ADNP2: variants seen among roughly 807,000 people sequenced by gnomAD.
ADNP2 encodes ADNP homeobox 2.
Under a neutral mutation model 16.4 loss-of-function variants are expected in ADNP2, and 8 were observed. The ratio of observed to expected loss-of-function variants is 0.49; its 90% CI spans 0.29 to 0.88. ADNP2 has a LOEUF of 0.88. ADNP2 is among the 40% of genes least tolerant of loss of function. The pLI, the probability that ADNP2 is intolerant of heterozygous loss-of-function variation, is 0.09. For synonymous variants in ADNP2, 637 were observed against 545.8 expected (o/e 1.17, Z -2.33); for missense variants, 1,397 against 1,395.1 (o/e 1.00, Z -0.02).
intron 2 of ADNP2, among the ~76,000 whole-genome samples, chr18:80,130,065 T>C (rs2052486358): frequency 6.6e-6 from 1 of 152,208 alleles, no homozygotes; most frequent in African/African-American, 2.4e-5. Context: ...AATGCCTTTT[T>C]TTCTGACTTT....
In ADNP2 at chr18:80,137,394, TCTC is replaced by T. The variant is rs756286190; in HGVS notation, c.1986_1988del (p.Pro663del). 1 of 1,614,142 alleles carries T rather than the reference TCTC, an allele frequency of 6.2e-7. No homozygotes were observed. Among genetic ancestry groups the T allele is most frequent in the South Asian group, 1.1e-5 (1 of 91,088 alleles). On this transcript the variant is annotated inframe_deletion, in exon 4 of 4. Transcript: ENST00000262198. The surrounding 1 kb of genome is among the most constrained non-coding windows in gnomAD (Gnocchi z 4.2). ...GGCCGGTTCCATGCCCGGCATGCCC[TCTC>T]CTCCAGTGCTGGTGAATGCTGCTCA... is the stretch of plus-strand genomic sequence containing the variant.
chr18:80,127,958 A>G (rs2052471340), intron 2 of ADNP2, among the ~76,000 whole-genome samples: 1 of 152,256 alleles, frequency 6.6e-6, no homozygotes, highest in Non-Finnish European at 1.5e-5. Flanking sequence ...GTGCTCAGAA[A>G]AAGTCTTCAG....
At position 80,138,853 on chromosome 18, in the gene ADNP2, A is replaced by C; in HGVS notation, c.*44A>C. ...AAAGTAACTCTAAAGTAGTAGGTAG[A>C]TTTTTTTCAGTTGAAATTTCACAGT... On this transcript the variant is annotated 3_prime_UTR_variant, in exon 4 of 4. Coordinates refer to ENST00000262198, the MANE Select transcript of ADNP2 (RefSeq NM_014913.4). 1.4e-6 allele frequency: 2 copies of C among 1,423,794 alleles called. No individual in the cohort carries two copies. The highest frequency in any genetic ancestry group is 1.8e-6 in the Non-Finnish European group (2 of 1,083,552). 88.2% of individuals were successfully genotyped at this position (1,423,794 alleles called of 1,614,324 possible). A position where few individuals can be genotyped will look rare whatever the true frequency, so the allele number is the denominator to read the frequency against.
rs117587160 is a variant in ADNP2 at position 80,134,825 on chromosome 18, C to T, written c.199-787C>T. 6.2e-3 allele frequency among the ~76,000 whole-genome samples: 908 copies of T among 146,638 alleles called. 5 individuals carry two copies. Among genetic ancestry groups the T allele is most frequent in the Middle Eastern group, 0.022 (6 of 276 alleles). On this transcript the variant is annotated intron_variant, in intron 3 of 3. Transcript: ENST00000262198. ...TAGTGTGAGTTTAGGCTTAGTCTCA[C>T]TTTCTTTACTGTTTTATCAGATAGT...
In ADNP2 at chr18:80,136,617, C is replaced by G; in HGVS notation, c.1204C>G (p.Pro402Ala). Residue 402 changes from proline to alanine, a missense_variant, in exon 4 of 4, where the codon CCC becomes GCC. Physicochemically the swap from Pro to Ala is conservative, Grantham distance 27 (BLOSUM62 -1). This residue lies in a region of ADNP2 where 777 missense variants were observed against 719.4 expected (regional missense o/e 1.08). Coordinates refer to ENST00000262198, the MANE Select transcript of ADNP2 (RefSeq NM_014913.4). ...TCAGACTGTTCGCCCTGGGGTTTTA[C>G]CCCTCACCCAGCCTGTGGGACCCAT... ...INQTVRPGVL[P>A]LTQPVGPINR... 1 of 1,614,194 alleles carries G rather than the reference C, an allele frequency of 6.2e-7. No homozygotes were observed.
At chr18:80,128,053 A>G (rs1382545894) in intron 2 of ADNP2, among the ~76,000 whole-genome samples, 5 of 152,260 alleles carry the variant, frequency 3.3e-5, no homozygotes, top group African/African-American at 1.2e-4. Flanking sequence ...CTATTTTGAA[A>G]TAGTGAATTC....
At chr18:80,121,160 C>G (rs1029675394) in intron 2 of ADNP2, among the ~76,000 whole-genome samples, 8 of 152,116 alleles carry the variant, frequency 5.3e-5, no homozygotes, top group Non-Finnish European at 2.9e-5. Context: ...TCCTTCCTCC[C>G]TTCCCTTCCT....
In ADNP2 at chr18:80,135,716, C is replaced by A; in HGVS notation, c.303C>A (p.Asp101Glu). The A allele has an allele frequency of 6.2e-7, 1 of 1,614,202 alleles. No homozygotes were observed. Among genetic ancestry groups the A allele is most frequent in the Non-Finnish European group, 8.5e-7 (1 of 1,180,034 alleles). Reference protein sequence around the residue: ...HLHRYHEDEIDQELVIPCPNC... With the variant: ...HLHRYHEDEIEQELVIPCPNC... Reference sequence around the variant, plus strand: ...ATCGTTACCATGAAGATGAAATTGACCAAGAGCTGGTGATCCCTTGCCCAA... The same window carrying A: ...ATCGTTACCATGAAGATGAAATTGAACAAGAGCTGGTGATCCCTTGCCCAA... Residue 101 changes from aspartate to glutamate, a missense_variant, in exon 4 of 4, where the codon GAC becomes GAA. Physicochemically the swap from Asp to Glu is conservative, Grantham distance 45. Transcript: ENST00000262198.
intron 2 of ADNP2, among the ~76,000 whole-genome samples, chr18:80,123,258 A>G (rs538264210): frequency 6.6e-6 from 1 of 152,180 alleles, no homozygotes; most frequent in South Asian, 2.1e-4. Flanking sequence ...ATCTGTGTTC[A>G]TAAGGAATAT....
intron 1 of ADNP2, among the ~76,000 whole-genome samples, chr18:80,111,138 C>A (rs588556): frequency 0.85 from 128,749 of 152,182 alleles, 54,588 homozygotes; most frequent in Non-Finnish European, 0.87. Flanking sequence ...AGGTGGAAAC[C>A]GGTATCTCCC....
Position 80,137,748 on chromosome 18 carries a change from T to G in ADNP2, c.2335T>G (p.Phe779Val). Residue 779 changes from phenylalanine (F) to valine (V), a missense_variant, in exon 4 of 4, where the codon TTC becomes GTC. Physicochemically the swap from Phe to Val is conservative, Grantham distance 50. This residue lies in a region of ADNP2 where 611 missense variants were observed against 648.7 expected (regional missense o/e 0.94). Transcript: ENST00000262198. This position sits in a 1 kb window ranked among gnomAD's most constrained non-coding sequence, Gnocchi z 4.2. The stretch of plus-strand genomic sequence containing the variant: ...GGGGTGCTTGTTCTGTCCATGCACC[T>G]TCCATGATATCAAAGGTCTTTCAGA... ...GLGCLFCPCT[F>V]HDIKGLSEHS... 6.2e-7 allele frequency: 1 copy of G among 1,614,132 alleles called. No homozygotes were observed. The highest frequency in any genetic ancestry group is 8.5e-7 in the Non-Finnish European group (1 of 1,180,040).
At position 80,136,939 on chromosome 18, in the gene ADNP2, T is replaced by A. The variant is rs897103151; in HGVS notation, c.1526T>A (p.Ile509Asn). ...GGCCAGACAGCCCCATTGAGGGTTA[T>A]CTCTGCAGGCCAGGTGGTCCCGTCT... is the stretch of plus-strand genomic sequence containing the variant. ...PPGQTAPLRV[I>N]SAGQVVPSGL... is the part of the protein sequence containing the mutation. Residue 509 changes from isoleucine to asparagine, a missense_variant, in exon 4 of 4, where the codon ATC becomes AAC. Coordinates refer to ENST00000262198, the MANE Select transcript of ADNP2 (RefSeq NM_014913.4). The A allele has an allele frequency of 1.2e-6, 2 of 1,613,782 alleles. No homozygotes were observed. Among genetic ancestry groups the A allele is most frequent in the South Asian group, 1.1e-5 (1 of 91,072 alleles).
chr18:80,119,915 C>G (rs953352889), intron 2 of ADNP2, among the ~76,000 whole-genome samples: 1 of 152,192 alleles, frequency 6.6e-6, no homozygotes, highest in African/African-American at 2.4e-5. Context: ...CCACCTCCCC[C>G]CCAACCCCCA....
chr18:80,135,992 A>G lies in ADNP2; in HGVS notation c.579A>G (p.Glu193=). 1 of 1,614,220 alleles carries G rather than the reference A, an allele frequency of 6.2e-7. No individual in the cohort carries two copies. The highest frequency in any genetic ancestry group is 8.5e-7 in the Non-Finnish European group (1 of 1,180,030). The change falls in exon 4 of 4, where the codon GAA becomes GAG. Residue 193 remains glutamate (E), a synonymous_variant. Transcript: ENST00000262198. ...INSYFGLRTE[E]MGEQPKTNDT... ...CCTACTTTGGCCTAAGAACTGAGGA[A>G]ATGGGTGAGCAACCGAAAACTAACG...
chr18:80,123,271 G>GT (rs1169494415), intron 2 of ADNP2, among the ~76,000 whole-genome samples: 1 of 152,132 alleles, frequency 6.6e-6, no homozygotes, highest in Non-Finnish European at 1.5e-5. Context: ...AGGAATATTG[G>GT]TTTTTAATTT....
chr18:80,124,214 TTTTG>T (rs2052443651), intron 2 of ADNP2, among the ~76,000 whole-genome samples: 1 of 152,228 alleles, frequency 6.6e-6, no homozygotes, highest in Non-Finnish European at 1.5e-5. Flanking sequence ...ATCAAGTTAA[TTTTG>T]TTTGTTCACA....
intron 2 of ADNP2, among the ~76,000 whole-genome samples, chr18:80,123,964 A>T (rs962398263): frequency 1.2e-4 from 19 of 152,104 alleles, no homozygotes; most frequent in African/African-American, 4.6e-4. Flanking sequence ...TCCTGACCTC[A>T]AATGATTTAC....
In ADNP2 at chr18:80,136,961, G is replaced by A. The variant is rs3744877; in HGVS notation, c.1548G>A (p.Pro516=). ...TTATCTCTGCAGGCCAGGTGGTCCCGTCTGGGCTTCTTTCTCCCAACCAGA... is the reference window on the plus strand; with the variant it reads ...TTATCTCTGCAGGCCAGGTGGTCCCATCTGGGCTTCTTTCTCCCAACCAGA... The part of the protein sequence containing the change: ...LRVISAGQVV[P]SGLLSPNQTV... Residue 516 remains proline, a synonymous_variant, in exon 4 of 4, where the codon CCG becomes CCA. Transcript: ENST00000262198. The A allele has an allele frequency of 0.47, 751,740 of 1,613,866 alleles. 179,073 individuals are homozygous for A. Among genetic ancestry groups the A allele is most frequent in the Admixed American group, 0.57 (33,978 of 60,004 alleles).
chr18:80,127,339 G>GTTT (rs35560770), intron 2 of ADNP2, among the ~76,000 whole-genome samples: 31,703 of 101,808 alleles, frequency 0.31, 5,179 homozygotes, highest in Middle Eastern at 0.38. Flanking sequence ...GGTTTTTTCA[G>GTTT]TTTTTTTTTT....
Sources: allele counts gnomAD v4.1 joint callset (sites outside exome capture counted in the v4.1 genomes callset), GRCh38; gene constraint gnomAD v4.1.1; regional missense constraint gnomAD v4.1.1; non-coding constraint Gnocchi (gnomAD v3.1); transcripts MANE v1.5; gene names NCBI Gene and HGNC (gene_info 2026-07-23, HGNC 2026-07-21).